OGFR: variants seen among roughly 807,000 people sequenced by gnomAD.
OGFR encodes protein 7-60.
Under a neutral mutation model 33.6 loss-of-function variants are expected in OGFR, and 18 were observed. The observed-to-expected ratio is 0.54, with a 90% CI of 0.37 to 0.80. The LOEUF (loss-of-function observed/expected upper bound fraction) is 0.80. Among genes scored for constraint, OGFR ranks in the 30% least tolerant of loss-of-function variants. The pLI, the probability that OGFR is intolerant of heterozygous loss-of-function variation, is 0.00. For synonymous variants in OGFR, 370 were observed against 400.7 expected, an observed-to-expected ratio of 0.92 and a Z score of 0.91; for missense variants, 877 against 955.8, an observed-to-expected ratio of 0.92 and a Z score of 1.09.
At chr20:62,807,187 A>G in intron 1 of OGFR, 1 of 325,932 alleles carries the variant, frequency 3.1e-6, no homozygotes, top group Non-Finnish European at 5.8e-6. Flanking sequence ...TAGGAGGAGG[A>G]GAGGGTCAGG....
intron 6 of OGFR, 33 bp from the exon 7 acceptor site, chr20:62,812,197 C>G: frequency 1.4e-6 from 2 of 1,455,280 alleles, no homozygotes; most frequent in Non-Finnish European, 1.8e-6. Context: ...GGGGCCCCAG[C>G]CATTGACCTC....
Position 62,812,373 on chromosome 20 carries a change from C to T in OGFR, c.758C>T (p.Ala253Val), listed in dbSNP as rs377251680. 121 of 1,569,512 alleles carry T rather than the reference C, an allele frequency of 7.7e-5. No individual in the cohort carries two copies. Among genetic ancestry groups the T allele is most frequent in the Non-Finnish European group, 1.0e-4 (116 of 1,158,548 alleles). ...RRELPGVRQS[A>V]LDYFMFAVRC... The stretch of plus-strand genomic sequence containing the variant: ...GAGCTGCCGGGGGTGCGGCAGAGTG[C>T]CCTGGACTACTTCATGTTCGCCGTG... Residue 253 changes from alanine to valine, a missense_variant, in exon 7 of 7, where the codon GCC becomes GTC. Ala to Val is a moderately conservative substitution (Grantham distance 64). Around this residue, in one of 3 missense-constraint regions of OGFR, gnomAD observed 760 missense variants for 736.0 expected, o/e 1.03. Transcript: ENST00000290291.
In OGFR at chr20:62,813,598, A is replaced by G. The variant is rs777434114; in HGVS notation, c.1983A>G (p.Ala661=). The G allele has an allele frequency of 1.1e-5, 17 of 1,612,894 alleles. No individual in the cohort carries two copies. In the South Asian group the frequency reaches 1.4e-4, roughly 14 times the overall value. The stretch of plus-strand genomic sequence containing the variant: ...AGCCAGCCAAGGCGGGGGAGGCAGC[A>G]GAGTTGCAGGACGCAGAGGTGGAGT... ...RDEPAKAGEA[A]ELQDAEVESS... The change falls in exon 7 of 7, where the codon GCA becomes GCG. Residue 661 remains alanine (A), a synonymous_variant. Transcript: ENST00000290291.
rs984951271 is a variant in OGFR, at chr20:62,813,906, A to G, written c.*257A>G. ...CTCCCCTGCGCCCCTGTCTTTGTAA[A>G]TTGACCCTTCTGGAGTGGGGGGCGG... On this transcript the variant is annotated 3_prime_UTR_variant, in exon 7 of 7. Transcript: ENST00000290291. The G allele has an allele frequency of 2.4e-5, 14 of 577,894 alleles. No individual in the cohort carries two copies. The highest frequency in any genetic ancestry group is 4.0e-5 in the Non-Finnish European group (13 of 325,624). The allele number at this position is 577,894 out of a possible 1,614,324, so 35.8% of individuals were successfully genotyped here.
chr20:62,808,411 C>A, intron 3 of OGFR, 86 bp downstream of exon 3: 1 of 993,278 alleles, frequency 1.0e-6, no homozygotes, highest in Non-Finnish European at 1.6e-6. Flanking sequence ...GGGATGTACC[C>A]GGCGATTACC....
chr20:62,804,869 C>G lies in OGFR; in HGVS notation c.10C>G (p.Pro4Ala), dbSNP rs770036570. 9 of 1,483,750 alleles carry G rather than the reference C, an allele frequency of 6.1e-6. No individual in the cohort carries two copies. Among genetic ancestry groups the G allele is most frequent in the South Asian group, 1.3e-5 (1 of 78,066 alleles). The allele number at this position is 1,483,750 out of a possible 1,614,324, so 91.9% of individuals were successfully genotyped here. ...CCCGCCGCCGCCGAGCATGGACGAC[C>G]CCGACTGCGACTCCACCTGGGAGGA... The part of the protein sequence containing the change: MDD[P>A]DCDSTWEEDE... The change falls in exon 1 of 7, where the codon CCC becomes GCC. Residue 4 changes from proline (P) to alanine (A), a missense_variant. Physicochemically the swap from Pro to Ala is conservative, Grantham distance 27. Transcript: ENST00000290291.
Position 62,813,126 on chromosome 20 carries a change from C to T in OGFR, c.1511C>T (p.Thr504Ile), listed in dbSNP as rs1271825707. ...GHSENGVEEDTEGRTGPKEGT... is the reference protein window; with the variant it reads ...GHSENGVEEDIEGRTGPKEGT... Reference sequence around the variant, plus strand: ...AGTGAGAACGGGGTTGAGGAGGACACAGAAGGTCGAACGGGGCCCAAAGAA... The same window carrying T: ...AGTGAGAACGGGGTTGAGGAGGACATAGAAGGTCGAACGGGGCCCAAAGAA... The change falls in exon 7 of 7, where the codon ACA becomes ATA. Residue 504 changes from threonine (T) to isoleucine (I), a missense_variant. Physicochemically the swap from Thr to Ile is moderately conservative, Grantham distance 89 (BLOSUM62 -1). Transcript: ENST00000290291. 1.3e-6 allele frequency: 2 copies of T among 1,580,146 alleles called. No homozygotes were observed. The highest frequency in any genetic ancestry group is 2.3e-5 in the East Asian group (1 of 43,066).
chr20:62,808,175 G>A (rs766846167), intron 2 of OGFR, 72 bp from the exon 3 acceptor site: 4 of 1,228,252 alleles, frequency 3.3e-6, no homozygotes, highest in South Asian at 1.2e-5. Context: ...GCGCCTCCCC[G>A]AAAGACACGG....
At chr20:62,806,007 C>CTCCCCT (rs1056314945) in intron 1 of OGFR, 3 of 152,790 alleles carry the variant, frequency 2.0e-5, no homozygotes, top group Non-Finnish European at 4.4e-5. Flanking sequence ...CCACAAGCCC[C>CTCCCCT]TCCCCTTCCC....
intron 2 of OGFR, chr20:62,807,885 G>A (rs1004773256): frequency 2.8e-5 from 17 of 599,508 alleles, no homozygotes; most frequent in South Asian, 2.6e-4. Flanking sequence ...CACGTGTGGG[G>A]TCCGTGATAC....
In OGFR at chr20:62,807,941, G is replaced by T. The variant is rs1990634309; in HGVS notation, c.241-306G>T. 5.0e-6 allele frequency: 3 copies of T among 599,768 alleles called. No individual in the cohort carries two copies. The East Asian group carries it at 8.3e-5, about 16-fold the overall frequency. 37.2% of individuals were successfully genotyped at this position (599,768 alleles called of 1,614,324 possible). On this transcript the variant is annotated intron_variant, in intron 2 of 6. Transcript: ENST00000290291. Reference sequence around the variant, plus strand: ...CCCATGCCAGCCCTGTCTCCTGCAGGTTGTCCTCAGCCATTACCCTCCACA... The same window carrying T: ...CCCATGCCAGCCCTGTCTCCTGCAGTTTGTCCTCAGCCATTACCCTCCACA...
In OGFR at chr20:62,811,624, G is replaced by GCGGGCCCCCCC; in HGVS notation, c.614+15_614+16insGGGCCCCCCCC. On this transcript the variant is annotated intron_variant, in intron 6 of 6. Transcript: ENST00000290291. ...GAACCTGAACTGGTGAGGCCCGGCT[G>GCGGGCCCCCCC]CTCCCGCCCACCCCCACCCCGGCGC... is the stretch of plus-strand genomic sequence containing the variant. 3.2e-6 allele frequency: 5 copies of GCGGGCCCCCCC among 1,551,474 alleles called. No homozygotes were observed. The highest frequency in any genetic ancestry group is 1.7e-6 in the Non-Finnish European group (2 of 1,147,380).
chr20:62,809,105 G>A (rs1990666265), intron 3 of OGFR, among the ~76,000 whole-genome samples: 1 of 152,080 alleles, frequency 6.6e-6, no homozygotes, highest in African/African-American at 2.4e-5. Context: ...GTGCCGGGCT[G>A]CAACGTGAAA....
chr20:62,810,655 A>C, intron 5 of OGFR, 90 bp downstream of exon 5: 1 of 1,274,614 alleles, frequency 7.8e-7, no homozygotes. Context: ...CTCTGGCAGT[A>C]GGCATTTGGT....
rs1469447471 is a variant in OGFR, at chr20:62,811,501, C to G, written c.505C>G (p.Arg169Gly). The change falls in exon 6 of 7, where the codon CGG becomes GGG. Residue 169 changes from arginine (R) to glycine (G), a missense_variant. By Grantham distance (125) the Arg-to-Gly change is moderately radical. Around this residue, in one of 3 missense-constraint regions of OGFR, gnomAD observed 760 missense variants for 736.0 expected, o/e 1.03. Coordinates refer to ENST00000290291, the MANE Select transcript of OGFR (RefSeq NM_007346.4). The stretch of plus-strand genomic sequence containing the variant: ...CCAGGAGATCCAGGAGCGGCTTGTC[C>G]GGGCCTACGAGCTCATGCTGGGCTT... ...SSQEIQERLV[R>G]AYELMLGFYG... is the part of the protein sequence containing the mutation. 6.2e-7 allele frequency: 1 copy of G among 1,608,396 alleles called. No individual in the cohort carries two copies. The highest frequency in any genetic ancestry group is 1.3e-5 in the African/African-American group (1 of 74,930).
In OGFR at chr20:62,804,933, G is replaced by A; in HGVS notation, c.74G>A (p.Cys25Tyr). The A allele has an allele frequency of 2.0e-6, 3 of 1,494,194 alleles. No individual in the cohort carries two copies. Among genetic ancestry groups the A allele is most frequent in the Non-Finnish European group, 2.7e-6 (3 of 1,121,912 alleles). 92.6% of individuals were successfully genotyped at this position (1,494,194 alleles called of 1,614,324 possible). Residue 25 changes from cysteine (C) to tyrosine (Y), a missense_variant, in exon 1 of 7, where the codon TGC becomes TAC. Transcript: ENST00000290291. ...GCGGAGGACGCGGAGGACGAGGACT[G>A]CGAGGACGGCGAGGCCGCCGGCGCG... ...EDAEDAEDED[C>Y]EDGEAAGARD...
Position 62,811,626 on chromosome 20 carries a change from T to TGGCG in OGFR, c.614+16_614+17insGGCG. Reference sequence around the variant, plus strand: ...ACCTGAACTGGTGAGGCCCGGCTGCTCCCGCCCACCCCCACCCCGGCGCAG... The same window carrying TGGCG: ...ACCTGAACTGGTGAGGCCCGGCTGCTGGCGCCCGCCCACCCCCACCCCGGCGCAG... On this transcript the variant is annotated intron_variant, in intron 6 of 6. Transcript: ENST00000290291. 4 of 1,502,492 alleles carry TGGCG rather than the reference T, an allele frequency of 2.7e-6. No individual in the cohort carries two copies. Among genetic ancestry groups the TGGCG allele is most frequent in the African/African-American group, 1.4e-5 (1 of 71,438 alleles). The allele number at this position is 1,502,492 out of a possible 1,614,324, so 93.1% of individuals were successfully genotyped here. A position where few individuals can be genotyped will look rare whatever the true frequency, so the allele number is the denominator to read the frequency against.
Position 62,813,778 on chromosome 20 carries a change from T to C in OGFR, c.*129T>C. ...TGACCCATGACCCACAGTGCTGGCCTCCTGTGGGGCCACTATAGCAGCCAC... is the reference window on the plus strand; with the variant it reads ...TGACCCATGACCCACAGTGCTGGCCCCCTGTGGGGCCACTATAGCAGCCAC... On this transcript the variant is annotated 3_prime_UTR_variant, in exon 7 of 7. Transcript: ENST00000290291. The C allele has an allele frequency of 9.0e-7, 1 of 1,113,986 alleles. No homozygotes were observed. The highest frequency in any genetic ancestry group is 1.3e-6 in the Non-Finnish European group (1 of 762,338). 69.0% of individuals were successfully genotyped at this position (1,113,986 alleles called of 1,614,324 possible). A position where few individuals can be genotyped will look rare whatever the true frequency, so the allele number is the denominator to read the frequency against.
At chr20:62,808,973 TCAAAAAA>T (rs1475609805) in intron 3 of OGFR, among the ~76,000 whole-genome samples, 2 of 30,634 alleles carry the variant, frequency 6.5e-5, no homozygotes, top group Non-Finnish European at 1.2e-4. Flanking sequence ...AGACTCTGTC[TCAAAAAA>T]AAAAAAAAAA....
Sources: gnomAD v4.1 joint callset for allele counts (sites outside exome capture counted in the v4.1 genomes callset) on GRCh38, gnomAD v4.1.1 for gene constraint, gnomAD v4.1.1 regional missense constraint, MANE v1.5 for transcripts, NCBI Gene and HGNC (gene_info 2026-07-23, HGNC 2026-07-21) for gene names.